NTN4: variants seen among roughly 807,000 people sequenced by gnomAD.
NTN4 encodes the protein netrin-4.
In NTN4, 32 loss-of-function variants were observed where a neutral mutation model predicts 73.6. That is an observed-to-expected ratio of 0.44 (90% CI 0.33 to 0.58). NTN4 has a LOEUF of 0.58. NTN4 is among the 20% of genes least tolerant of loss of function. The probability of loss-of-function intolerance (pLI) is 0.04; values close to 1 mark genes in which losing one functional copy is unlikely to be tolerated. For missense variants in NTN4, 654 were observed against 798.3 expected, an observed-to-expected ratio of 0.82 and a Z score of 2.18; for synonymous variants, 258 against 287.5, an observed-to-expected ratio of 0.90 and a Z score of 1.04.
At chr12:95,721,990 G>A (rs954225276) in intron 3 of NTN4, among the ~76,000 whole-genome samples, 27 of 151,450 alleles carry the variant, frequency 1.8e-4, no homozygotes, top group African/African-American at 6.6e-4. Context: ...ACATTGACTG[G>A]CCACATCTGT....
chr12:95,760,792 T>C (rs2078981918), intron 2 of NTN4, among the ~76,000 whole-genome samples: 1 of 151,908 alleles, frequency 6.6e-6, no homozygotes, highest in Admixed American at 6.6e-5. Context: ...AGAAATCTCA[T>C]TTCAAACTGA....
chr12:95,760,693 T>C (rs2078981203), intron 2 of NTN4, among the ~76,000 whole-genome samples: 2 of 151,538 alleles, frequency 1.3e-5, no homozygotes, highest in Non-Finnish European at 2.9e-5. Flanking sequence ...TTTTTTTTTT[T>C]TTTTTCTCGC....
At chr12:95,701,652 AG>A (rs1280483298) in intron 5 of NTN4, among the ~76,000 whole-genome samples, 2 of 152,210 alleles carry the variant, frequency 1.3e-5, no homozygotes, top group African/African-American at 4.8e-5. Context: ...GATTTGGTTC[AG>A]GGCCTCGTTT....
At chr12:95,703,383 T>C (rs1239319899) in intron 5 of NTN4, among the ~76,000 whole-genome samples, 1 of 152,220 alleles carries the variant, frequency 6.6e-6, no homozygotes, top group Non-Finnish European at 1.5e-5. Context: ...GAAAAAAATC[T>C]TCTAGCGTGT....
chr12:95,754,158 T>TC (rs1229640166), intron 2 of NTN4, among the ~76,000 whole-genome samples: 1 of 152,096 alleles, frequency 6.6e-6, no homozygotes, highest in Non-Finnish European at 1.5e-5. Flanking sequence ...TACCTGTTTT[T>TC]CTCCTTCTTT....
intron 5 of NTN4, among the ~76,000 whole-genome samples, chr12:95,707,599 C>G (rs1467877026): frequency 6.6e-6 from 1 of 152,102 alleles, no homozygotes; most frequent in Non-Finnish European, 1.5e-5. Context: ...CCCTTATGAA[C>G]TTCTCACATA....
rs548199776 is a variant in NTN4, at chr12:95,715,660, A to G, written c.865-2322T>C. Among the ~76,000 whole-genome samples, 30 of 152,282 alleles carry G rather than the reference A, an allele frequency of 2.0e-4. No individual in the cohort carries two copies. In the East Asian group the frequency reaches 5.4e-3, roughly 27 times the overall value. On this transcript the variant is annotated intron_variant, in intron 3 of 9. Transcript: ENST00000343702. Reference sequence around the variant, plus strand: ...TGAGAGCTGCAGGAATTCAACTTCTACTGCTCTATAAAAATGAGATTTTTT... The same window carrying G: ...TGAGAGCTGCAGGAATTCAACTTCTGCTGCTCTATAAAAATGAGATTTTTT...
chr12:95,698,512 C>A (rs1240758175), intron 5 of NTN4, among the ~76,000 whole-genome samples: 2 of 152,124 alleles, frequency 1.3e-5, no homozygotes, highest in Non-Finnish European at 2.9e-5. Flanking sequence ...ATGACCTTGT[C>A]CACTTCTCTT....
intron 3 of NTN4, among the ~76,000 whole-genome samples, chr12:95,732,366 G>T: frequency 6.9e-6 from 1 of 145,362 alleles, no homozygotes; most frequent in Admixed American, 6.9e-5. Context: ...AAAGATTGAA[G>T]AGCTTTCTTT....
At chr12:95,742,580 GATC>G (rs1316271660) in intron 2 of NTN4, among the ~76,000 whole-genome samples, 5 of 152,232 alleles carry the variant, frequency 3.3e-5, no homozygotes, top group African/African-American at 9.6e-5. Flanking sequence ...TAATAAATGT[GATC>G]ATATTTTTAA....
intron 3 of NTN4, among the ~76,000 whole-genome samples, chr12:95,724,021 G>C (rs11614560): frequency 6.6e-6 from 1 of 151,616 alleles, no homozygotes; most frequent in Non-Finnish European, 1.5e-5. Context: ...ATGTTACCTA[G>C]AGTTTTTTTT....
chr12:95,747,766 T>C (rs2078872740), intron 2 of NTN4, among the ~76,000 whole-genome samples: 1 of 152,144 alleles, frequency 6.6e-6, no homozygotes, highest in Non-Finnish European at 1.5e-5. Context: ...ATAAAAATAA[T>C]GGAATAACTA....
At chr12:95,751,914 C>A (rs1321801725) in intron 2 of NTN4, among the ~76,000 whole-genome samples, 2 of 140,656 alleles carry the variant, frequency 1.4e-5, no homozygotes, top group Non-Finnish European at 3.1e-5. Context: ...TTTAGTTATC[C>A]CCACCTGCCC....
chr12:95,712,167 C>T (rs11108206), intron 4 of NTN4, among the ~76,000 whole-genome samples: 14,231 of 152,196 alleles, frequency 0.094, 930 homozygotes, highest in Non-Finnish European at 0.14. Flanking sequence ...TTTCTCTGAA[C>T]ATTTTAAATT....
chr12:95,729,580 G>T (rs2078721063), intron 3 of NTN4, among the ~76,000 whole-genome samples: 1 of 151,740 alleles, frequency 6.6e-6, no homozygotes, highest in Admixed American at 6.6e-5. Context: ...TGAAATGGCT[G>T]TGGGTTTTTT....
rs555999774 is a variant in NTN4 at position 95,785,682 on chromosome 12, C to G, written c.585+1257G>C. On this transcript the variant is annotated intron_variant, in intron 2 of 9. Transcript: ENST00000343702. ...CTGGCAAGCACCTCCCCATACCACACCAAAAGCAGAATTAGTAGCGTTGAA... is the reference window on the plus strand; with the variant it reads ...CTGGCAAGCACCTCCCCATACCACAGCAAAAGCAGAATTAGTAGCGTTGAA... Among the ~76,000 whole-genome samples, 11 of 152,286 alleles carry G rather than the reference C, an allele frequency of 7.2e-5. No individual in the cohort carries two copies. The East Asian group carries it at 2.1e-3, about 29-fold the overall frequency.
At chr12:95,778,009 A>G (rs2121289650) in intron 2 of NTN4, among the ~76,000 whole-genome samples, 1 of 152,302 alleles carries the variant, frequency 6.6e-6, no homozygotes, top group Non-Finnish European at 1.5e-5. Context: ...TAAGAAACTC[A>G]CTCAAAACCA....
chr12:95,712,986 G>T (rs1197938918), intron 4 of NTN4, among the ~76,000 whole-genome samples: 6 of 151,866 alleles, frequency 4.0e-5, no homozygotes, highest in African/African-American at 1.4e-4. Context: ...AAGTATCCAA[G>T]CAAATAGGCA....
At chr12:95,713,955 G>T (rs907831669) in intron 3 of NTN4, among the ~76,000 whole-genome samples, 16 of 151,974 alleles carry the variant, frequency 1.1e-4, no homozygotes, top group Admixed American at 3.3e-4. Flanking sequence ...GAATATCATT[G>T]TAGCTAAGTA....
Sources: gnomAD v4.1 joint callset for allele counts (sites outside exome capture counted in the v4.1 genomes callset) on GRCh38, gnomAD v4.1.1 for gene constraint, MANE v1.5 for transcripts, NCBI Gene and HGNC (gene_info 2026-07-23, HGNC 2026-07-21) for gene names.